The following DOCK7 variants were observed in gnomAD, a reference collection of about 807,000 sequenced individuals.
The protein encoded by DOCK7 is dedicator of cytokinesis protein 7.
DOCK7 carries 138 observed loss-of-function variants against 271.0 expected under a neutral mutation model. The observed-to-expected ratio is 0.51, with a 90% CI of 0.44 to 0.59. The LOEUF is 0.59. Ranked by LOEUF, DOCK7 falls within the 20% of genes least tolerant of loss-of-function variation. The pLI is 0.00. For synonymous variants in DOCK7, 823 were observed against 876.1 expected (o/e 0.94, Z 1.07); for missense variants, 2,066 against 2,592.4 (o/e 0.80, Z 4.41).
chr1:62,643,633 G>C (rs530322026), intron 7 of DOCK7, among the ~76,000 whole-genome samples: 1 of 152,052 alleles, frequency 6.6e-6, no homozygotes. Context: ...GATCCTACTA[G>C]ACATCCAGAA....
intron 14 of DOCK7, chr1:62,604,382 A>C: frequency 9.5e-7 from 1 of 1,047,728 alleles, no homozygotes; most frequent in Non-Finnish European, 1.4e-6. Context: ...AACTATAATG[A>C]AAGTGTTCAT....
At chr1:62,520,273 C>T (rs1301728767) in intron 31 of DOCK7, among the ~76,000 whole-genome samples, 1 of 152,146 alleles carries the variant, frequency 6.6e-6, no homozygotes, top group African/African-American at 2.4e-5. Flanking sequence ...AACTAAAGAG[C>T]TTCTGCACAA....
Position 62,455,190 on chromosome 1 carries a change from C to A in DOCK7, c.*224G>T. On this transcript the variant is annotated 3_prime_UTR_variant, in exon 50 of 50. Transcript: ENST00000635253. ...GTAAATGTATAGTGTACCTTTGAGT[C>A]ATTAAAATGTCTTAAAAGATAACAG... is the stretch of plus-strand genomic sequence containing the variant. 1.6e-6 allele frequency: 1 copy of A among 644,258 alleles called. No individual in the cohort carries two copies. Among genetic ancestry groups the A allele is most frequent in the South Asian group, 1.8e-5 (1 of 54,922 alleles). 39.9% of individuals were successfully genotyped at this position (644,258 alleles called of 1,614,324 possible). A position where few individuals can be genotyped will look rare whatever the true frequency, so the allele number is the denominator to read the frequency against.
chr1:62,582,549 CAAAAAAAAAAAAAAA>C (rs34110232), intron 16 of DOCK7, among the ~76,000 whole-genome samples: 3 of 16,872 alleles, frequency 1.8e-4, no homozygotes, highest in East Asian at 2.3e-3. Flanking sequence ...GACTCCGTCT[CAAAAAAAAAAAAAAA>C]AAAAAAAAAA....
chr1:62,598,555 G>A, intron 14 of DOCK7: 2 of 631,094 alleles, frequency 3.2e-6, no homozygotes, highest in South Asian at 3.8e-5. Context: ...TTTGAAAGAA[G>A]CATACAAGGG....
chr1:62,606,128 T>C (rs145302352), intron 14 of DOCK7: 40 of 152,066 alleles, frequency 2.6e-4, no homozygotes, highest in African/African-American at 8.9e-4. Context: ...TCCAGAAAAG[T>C]ACAAAATAAT....
At chr1:62,628,918 A>G (rs542228460) in intron 11 of DOCK7, 2 of 152,368 alleles carry the variant, frequency 1.3e-5, no homozygotes, top group South Asian at 4.1e-4. Context: ...TTAAAAAATG[A>G]GCAAAGGTTA....
At chr1:62,627,697 A>C (rs145878595) in intron 11 of DOCK7, 306 of 152,306 alleles carry the variant, frequency 2.0e-3, no homozygotes, top group African/African-American at 6.9e-3. Flanking sequence ...AAGGACTTGT[A>C]CACTGAAAAT....
chr1:62,681,663 G>A (rs894959434), intron 1 of DOCK7, among the ~76,000 whole-genome samples: 1 of 151,902 alleles, frequency 6.6e-6, no homozygotes, highest in East Asian at 1.9e-4. Flanking sequence ...GTATAGGAGT[G>A]TTCATGGAAA....
At position 62,506,878 on chromosome 1, in the gene DOCK7, C is replaced by T. The variant is rs184484722; in HGVS notation, c.4477-1062G>A. The stretch of plus-strand genomic sequence containing the variant: ...AGGAGAATCACTTGAACCCGGGAGG[C>T]GGAGGTTGTGGTGAGCTGAGATTGC... On this transcript the variant is annotated intron_variant, in intron 35 of 49. Coordinates refer to ENST00000635253, the MANE Select transcript of DOCK7 (RefSeq NM_001367561.1). Among the ~76,000 whole-genome samples the T allele has an allele frequency of 7.4e-3, 1,112 of 150,860 alleles. 8 individuals are homozygous for T. Among genetic ancestry groups the T allele is most frequent in the Non-Finnish European group, 0.011 (775 of 67,752 alleles).
At chr1:62,624,481 C>T (rs544955841) in intron 12 of DOCK7, among the ~76,000 whole-genome samples, 8 of 152,224 alleles carry the variant, frequency 5.3e-5, no homozygotes, top group African/African-American at 1.7e-4. Context: ...TGGATCCATA[C>T]ATTCACCTCT....
chr1:62,537,885 G>A lies in DOCK7; in HGVS notation c.3471+6C>T, dbSNP rs767987400. 1.2e-6 allele frequency: 2 copies of A among 1,610,138 alleles called. No individual in the cohort carries two copies. The highest frequency in any genetic ancestry group is 1.3e-5 in the African/African-American group (1 of 74,918). ...AAATATATGTATATTCACACAATTT[G>A]CATACCTGAGATGTTGCAGAAGAAA... On this transcript the variant is annotated splice_donor_region_variant and intron_variant, in intron 28 of 49. Coordinates refer to ENST00000635253, the MANE Select transcript of DOCK7 (RefSeq NM_001367561.1).
At chr1:62,655,776 T>TA (rs1657949314) in intron 2 of DOCK7, among the ~76,000 whole-genome samples, 1 of 152,218 alleles carries the variant, frequency 6.6e-6, no homozygotes, top group South Asian at 2.1e-4. Context: ...TAACACATCT[T>TA]AAACACTCAA....
chr1:62,556,818 G>A (rs929094299), intron 20 of DOCK7, among the ~76,000 whole-genome samples: 47 of 152,224 alleles, frequency 3.1e-4, no homozygotes, highest in African/African-American at 1.1e-3. Flanking sequence ...GGTCATTTAG[G>A]AAGATTAATC....
intron 42 of DOCK7, 79 bp from the exon 43 acceptor site, chr1:62,487,491 C>T: frequency 3.1e-6 from 4 of 1,275,306 alleles, no homozygotes; most frequent in Non-Finnish European, 4.5e-6. Flanking sequence ...GCACCATATA[C>T]CATAAATTCT....
Position 62,473,612 on chromosome 1 carries a change from C to G in DOCK7, c.6212+370G>C, listed in dbSNP as rs188842249. On this transcript the variant is annotated intron_variant, in intron 48 of 49. Transcript: ENST00000635253. Reference sequence around the variant, plus strand: ...TCTCTCTCTCTCTTTCTGACACAGGCTCCTGCTCTGTCACCCAGGCTGGAG... The same window carrying G: ...TCTCTCTCTCTCTTTCTGACACAGGGTCCTGCTCTGTCACCCAGGCTGGAG... 1.3e-5 allele frequency among the ~76,000 whole-genome samples: 2 copies of G among 152,168 alleles called. 1 individual carries two copies. Among genetic ancestry groups the G allele is most frequent in the Non-Finnish European group, 2.9e-5 (2 of 68,000 alleles).
At chr1:62,579,756 T>C (rs892947638) in intron 16 of DOCK7, among the ~76,000 whole-genome samples, 1 of 139,160 alleles carries the variant, frequency 7.2e-6, no homozygotes, top group Non-Finnish European at 1.6e-5. Context: ...ATATCAACCA[T>C]CTCACTGTTG....
intron 21 of DOCK7, among the ~76,000 whole-genome samples, chr1:62,553,820 A>AAC (rs758970353): frequency 8.7e-5 from 13 of 149,152 alleles, no homozygotes; most frequent in African/African-American, 1.7e-4. Context: ...CAAAATAGGA[A>AAC]ACACACACAC....
intron 31 of DOCK7, among the ~76,000 whole-genome samples, chr1:62,522,021 G>T (rs1019827077): frequency 1.3e-5 from 2 of 151,830 alleles, no homozygotes; most frequent in African/African-American, 4.8e-5. Context: ...TACAATCAAT[G>T]TAAGAAGAAA....
Sources: allele counts gnomAD v4.1 joint callset (sites outside exome capture counted in the v4.1 genomes callset), GRCh38; gene constraint gnomAD v4.1.1; transcripts MANE v1.5; gene names NCBI Gene and HGNC (gene_info 2026-07-23, HGNC 2026-07-21).